The following C8orf89 variants were observed in gnomAD, a reference collection of about 807,000 sequenced individuals.
C8orf89 encodes chromosome 8 open reading frame 89, also known as putative uncharacterized protein C8orf89.
Under a neutral mutation model 15.8 loss-of-function variants are expected in C8orf89, and 14 were observed. That is an observed-to-expected ratio of 0.89 (90% CI 0.59 to 1.39). C8orf89 has a LOEUF of 1.39. Among genes scored for constraint, C8orf89 ranks in the 40% most tolerant of loss-of-function variants. The probability of loss-of-function intolerance (pLI) is 0.00; values close to 1 mark genes in which losing one functional copy is unlikely to be tolerated. For synonymous variants in C8orf89, 55 were observed against 62.2 expected (o/e 0.88, Z 0.54); for missense variants, 181 against 184.5 (o/e 0.98, Z 0.11).
the C8orf89 span, among the ~76,000 whole-genome samples, chr8:73,268,555 G>T: frequency 6.6e-6 from 1 of 152,044 alleles, no homozygotes; most frequent in Non-Finnish European, 1.5e-5. Flanking sequence ...CTTTTTAAAA[G>T]ATACTCTATG....
At chr8:73,276,265 C>T in the C8orf89 span, among the ~76,000 whole-genome samples, 5 of 148,918 alleles carry the variant, frequency 3.4e-5, no homozygotes, top group African/African-American at 1.2e-4. Context: ...CAACCTCCAA[C>T]TCCCAGGTTC....
intron 2 of C8orf89, among the ~76,000 whole-genome samples, chr8:73,252,859 C>T (rs1208947010): frequency 1.3e-5 from 2 of 152,126 alleles, no homozygotes; most frequent in African/African-American, 2.4e-5. Flanking sequence ...ACTAGACATT[C>T]GGCCGGGCAC....
Position 73,254,701 on chromosome 8 carries a change from G to A in C8orf89, c.281+2272C>T, listed in dbSNP as rs147775171. Among the ~76,000 whole-genome samples, 721 of 152,134 alleles carry A rather than the reference G, an allele frequency of 4.7e-3. 8 individuals carry two copies. The highest frequency in any genetic ancestry group is 0.016 in the African/African-American group (678 of 41,488). ...CACCCCTAGGCCAGCCACAGACCTC[G>A]CAGCAGACATCTGTGGGTCTGAGTT... On this transcript the variant is annotated intron_variant, in intron 2 of 3. Transcript: ENST00000624510.
intron 2 of C8orf89, among the ~76,000 whole-genome samples, chr8:73,255,860 C>CA (rs1813366707): frequency 6.7e-6 from 1 of 148,906 alleles, no homozygotes; most frequent in South Asian, 2.1e-4. Flanking sequence ...ATCGCAAGGA[C>CA]AAAAAACCAA....
the C8orf89 span, chr8:73,277,948 G>T: frequency 9.1e-6 from 6 of 659,754 alleles, no homozygotes; most frequent in Non-Finnish European, 1.7e-5. Context: ...ACATGTCTGT[G>T]TTGGCCAGCA....
At chr8:73,263,571 T>C (rs1350380456), upstream of C8orf89, among the ~76,000 whole-genome samples, 1 of 152,180 alleles carries the variant, frequency 6.6e-6, no homozygotes, top group African/African-American at 2.4e-5. Flanking sequence ...TTTTATCACC[T>C]AGCTTAGAAC....
the C8orf89 span, among the ~76,000 whole-genome samples, chr8:73,275,228 GTTCTT>G: frequency 0.01 from 1,193 of 117,580 alleles, 15 homozygotes; most frequent in African/African-American, 0.035. Context: ...ACTTGTAATA[GTTCTT>G]TTTTTTTTTT....
intron 3 of C8orf89, among the ~76,000 whole-genome samples, chr8:73,246,861 C>A (rs1192545345): frequency 6.6e-6 from 1 of 152,132 alleles, no homozygotes; most frequent in Non-Finnish European, 1.5e-5. Context: ...ATTCTGACAG[C>A]TACCAATAAT....
chr8:73,264,514 G>T (rs1422323279), upstream of C8orf89, among the ~76,000 whole-genome samples: 1 of 152,080 alleles, frequency 6.6e-6, no homozygotes, highest in Admixed American at 6.5e-5. Flanking sequence ...TTTTGAGAAG[G>T]AGTTTCACTC....
the C8orf89 span, among the ~76,000 whole-genome samples, chr8:73,278,858 G>A: frequency 6.6e-6 from 1 of 152,116 alleles, no homozygotes; most frequent in Non-Finnish European, 1.5e-5. Flanking sequence ...TCATTTTAGT[G>A]ATCCATAACT....
At chr8:73,282,029 C>T in the C8orf89 span, among the ~76,000 whole-genome samples, 3 of 152,194 alleles carry the variant, frequency 2.0e-5, no homozygotes, top group Non-Finnish European at 4.4e-5. Context: ...GTTATGTGAG[C>T]AAGAAATAAC....
intron 2 of C8orf89, among the ~76,000 whole-genome samples, chr8:73,255,609 G>A (rs1238385335): frequency 6.7e-6 from 1 of 149,804 alleles, no homozygotes; most frequent in Non-Finnish European, 1.5e-5. Context: ...CCATTACTGG[G>A]TATATACCCA....
chr8:73,266,739 G>A, the C8orf89 span, among the ~76,000 whole-genome samples: 1 of 152,094 alleles, frequency 6.6e-6, no homozygotes, highest in Middle Eastern at 3.4e-3. Context: ...ATGAAAAAAT[G>A]TTTCCTAGCA....
At chr8:73,261,438 A>T (rs966008399), upstream of C8orf89, among the ~76,000 whole-genome samples, 1 of 151,704 alleles carries the variant, frequency 6.6e-6, no homozygotes, top group African/African-American at 2.4e-5. Context: ...GAAGAGAAAG[A>T]GGGAAAAGGA....
the C8orf89 span, among the ~76,000 whole-genome samples, chr8:73,275,166 G>T: frequency 6.7e-6 from 1 of 149,792 alleles, no homozygotes; most frequent in Admixed American, 6.6e-5. Flanking sequence ...TGAATAAGTG[G>T]TTATCTCTAC....
At chr8:73,264,162 C>CA (rs1480050427), upstream of C8orf89, among the ~76,000 whole-genome samples, 2 of 151,702 alleles carry the variant, frequency 1.3e-5, no homozygotes, top group Admixed American at 6.6e-5. Context: ...GGAAAATCAC[C>CA]AAAAAAAGGA....
the C8orf89 span, among the ~76,000 whole-genome samples, chr8:73,274,069 A>C: frequency 2.0e-5 from 3 of 151,944 alleles, no homozygotes; most frequent in African/African-American, 7.3e-5. Flanking sequence ...CTTTTATATT[A>C]TATTGCTTGT....
At chr8:73,272,063 T>A in the C8orf89 span, among the ~76,000 whole-genome samples, 25,400 of 152,112 alleles carry the variant, frequency 0.17, 2,370 homozygotes, top group South Asian at 0.23. Context: ...AGGCCAAGAA[T>A]CGACTAATGG....
chr8:73,266,744 CT>C, the C8orf89 span, among the ~76,000 whole-genome samples: 1 of 152,010 alleles, frequency 6.6e-6, no homozygotes. Context: ...AAAATGTTTC[CT>C]AGCACTGTCC....
Sources: gnomAD v4.1 joint callset for allele counts (sites outside exome capture counted in the v4.1 genomes callset) on GRCh38, gnomAD v4.1.1 for gene constraint, MANE v1.5 for transcripts, NCBI Gene and HGNC (gene_info 2026-07-23, HGNC 2026-07-21) for gene names.